GRIK2: variants seen among roughly 807,000 people sequenced by gnomAD.
GRIK2 encodes glutamate ionotropic receptor kainate type subunit 2.
In GRIK2, 32 loss-of-function variants were observed where a neutral mutation model predicts 100.3. The observed-to-expected ratio is 0.32, with a 90% CI of 0.24 to 0.43. GRIK2 has a LOEUF of 0.43. Among genes scored for constraint, GRIK2 ranks in the 20% least tolerant of loss-of-function variants. The probability of loss-of-function intolerance (pLI) is 1.00; values close to 1 mark genes in which losing one functional copy is unlikely to be tolerated. For synonymous variants in GRIK2, 417 were observed against 389.4 expected (o/e 1.07, Z -0.83); for missense variants, 843 against 1,114.9 (o/e 0.76, Z 3.47).
At chr6:101,668,157 TTCC>T (rs1281507636) in intron 4 of GRIK2, among the ~76,000 whole-genome samples, 3 of 152,188 alleles carry the variant, frequency 2.0e-5, no homozygotes, top group African/African-American at 7.2e-5. Flanking sequence ...TAGCTTTCTT[TTCC>T]TCCTCTGAGA....
chr6:101,873,073 C>A (rs1285307156), intron 11 of GRIK2, among the ~76,000 whole-genome samples: 2 of 151,810 alleles, frequency 1.3e-5, no homozygotes, highest in Non-Finnish European at 1.5e-5. Flanking sequence ...TAGTTAAACA[C>A]AAGTGATTTT....
chr6:101,730,708 G>A (rs1338292367), intron 7 of GRIK2, among the ~76,000 whole-genome samples: 1 of 151,722 alleles, frequency 6.6e-6, no homozygotes, highest in Non-Finnish European at 1.5e-5. Context: ...AGTGAAAGTG[G>A]AAGGGGAGGA....
chr6:101,898,674 A>C (rs1234769596), intron 12 of GRIK2, among the ~76,000 whole-genome samples: 1 of 151,644 alleles, frequency 6.6e-6, no homozygotes, highest in Non-Finnish European at 1.5e-5. Flanking sequence ...GCTACGTGTT[A>C]TAAAGCTAGT....
chr6:101,661,695 C>G (rs1232628017), intron 4 of GRIK2, among the ~76,000 whole-genome samples: 1 of 152,076 alleles, frequency 6.6e-6, no homozygotes, highest in Non-Finnish European at 1.5e-5. Flanking sequence ...CCTCACAGCA[C>G]AGTCTCTCAT....
At chr6:101,793,944 C>T (rs111759993) in intron 7 of GRIK2, among the ~76,000 whole-genome samples, 166 of 152,272 alleles carry the variant, frequency 1.1e-3, no homozygotes, top group Non-Finnish European at 2.1e-3. Context: ...CTCCCTGCCG[C>T]GTTGCAGTTT....
chr6:101,523,223 CATG>C (rs906571910), intron 2 of GRIK2, among the ~76,000 whole-genome samples: 3 of 151,980 alleles, frequency 2.0e-5, no homozygotes, highest in African/African-American at 2.4e-5. Flanking sequence ...ATAATTTTTC[CATG>C]ATATTTTTGT....
chr6:102,001,407 A>G (rs1582698278), intron 14 of GRIK2, among the ~76,000 whole-genome samples: 1 of 148,714 alleles, frequency 6.7e-6, no homozygotes, highest in Non-Finnish European at 1.5e-5. Flanking sequence ...CTCCCTGTGT[A>G]TATGTGTTCT....
At chr6:101,794,287 A>T (rs924636196) in intron 7 of GRIK2, among the ~76,000 whole-genome samples, 1 of 151,664 alleles carries the variant, frequency 6.6e-6, no homozygotes. Context: ...TGCAGAAATC[A>T]CCCCTCTTCT....
At chr6:101,560,021 A>T (rs1374400620) in intron 2 of GRIK2, among the ~76,000 whole-genome samples, 1 of 152,134 alleles carries the variant, frequency 6.6e-6, no homozygotes, top group Non-Finnish European at 1.5e-5. Flanking sequence ...TTCCAACTTG[A>T]TGAAGCTTCA....
At chr6:101,955,620 C>A (rs1046530216) in intron 14 of GRIK2, among the ~76,000 whole-genome samples, 1 of 134,638 alleles carries the variant, frequency 7.4e-6, no homozygotes, top group African/African-American at 2.7e-5. Flanking sequence ...CTCTCTCCCC[C>A]CCATTTCTTT....
intron 10 of GRIK2, among the ~76,000 whole-genome samples, chr6:101,849,081 A>G (rs1783968630): frequency 6.7e-6 from 1 of 148,292 alleles, no homozygotes; most frequent in African/African-American, 2.4e-5. Context: ...GTTGAAAAGA[A>G]TGTTAAAACA....
chr6:101,780,027 A>G (rs894322495), intron 7 of GRIK2, among the ~76,000 whole-genome samples: 3 of 152,118 alleles, frequency 2.0e-5, no homozygotes, highest in Admixed American at 1.3e-4. Context: ...ACTATCTCAT[A>G]TGGATTTTAA....
intron 10 of GRIK2, among the ~76,000 whole-genome samples, chr6:101,845,915 T>A (rs1783780543): frequency 6.6e-6 from 1 of 152,216 alleles, no homozygotes; most frequent in South Asian, 2.1e-4. Flanking sequence ...TGACTAATGA[T>A]GTTGAGCATG....
At chr6:101,491,385 G>A (rs1251193787) in intron 2 of GRIK2, among the ~76,000 whole-genome samples, 1 of 151,810 alleles carries the variant, frequency 6.6e-6, no homozygotes, top group African/African-American at 2.4e-5. Context: ...CAGAAATATA[G>A]TTAGGTCCTC....
intron 12 of GRIK2, among the ~76,000 whole-genome samples, chr6:101,914,000 A>T (rs2128466678): frequency 6.6e-6 from 1 of 151,644 alleles, no homozygotes; most frequent in African/African-American, 2.4e-5. Flanking sequence ...GATTTACTTA[A>T]TAGTCATAAA....
intron 2 of GRIK2, 27 bp downstream of exon 2, chr6:101,399,419 C>A (rs1775154462): frequency 8.7e-7 from 1 of 1,149,084 alleles, no homozygotes; most frequent in South Asian, 1.2e-5. Context: ...CTCTTGGTTG[C>A]CTGGTATCCG....
intron 3 of GRIK2, among the ~76,000 whole-genome samples, chr6:101,624,651 A>T (rs966548925): frequency 1.3e-4 from 20 of 152,190 alleles, no homozygotes; most frequent in African/African-American, 4.8e-4. Flanking sequence ...AAAGCTCAGT[A>T]ACAATCCTTC....
chr6:102,029,569 A>C (rs948889228), intron 14 of GRIK2, among the ~76,000 whole-genome samples: 1 of 151,154 alleles, frequency 6.6e-6, no homozygotes, highest in Non-Finnish European at 1.5e-5. Flanking sequence ...ATGTTCAACA[A>C]CTTTTTGCTT....
At chr6:101,830,628 C>T (rs917890435) in intron 10 of GRIK2, among the ~76,000 whole-genome samples, 1 of 151,704 alleles carries the variant, frequency 6.6e-6, no homozygotes, top group African/African-American at 2.4e-5. Flanking sequence ...CATTACTAAT[C>T]ATCAGAGAAA....
Sources: gnomAD v4.1 joint callset for allele counts (sites outside exome capture counted in the v4.1 genomes callset) on GRCh38, gnomAD v4.1.1 for gene constraint, MANE v1.5 for transcripts, NCBI Gene and HGNC (gene_info 2026-07-23, HGNC 2026-07-21) for gene names.